The following ZFAT variants were observed in gnomAD, a reference collection of about 807,000 sequenced individuals.
ZFAT encodes the protein zinc finger and AT-hook domain containing.
A neutral mutation model predicts 117.7 loss-of-function variants in ZFAT; 64 were observed. The ratio of observed to expected loss-of-function variants is 0.54; its 90% CI spans 0.44 to 0.67. ZFAT has a LOEUF of 0.67. Among genes scored for constraint, ZFAT ranks in the 30% least tolerant of loss-of-function variants. The pLI is 0.00. For synonymous variants in ZFAT, 679 were observed against 615.0 expected (o/e 1.10, Z -1.54); for missense variants, 1,433 against 1,584.5 (o/e 0.90, Z 1.62).
chr8:134,818,214 G>C, the ZFAT span, among the ~76,000 whole-genome samples: 1 of 152,084 alleles, frequency 6.6e-6, no homozygotes, highest in African/African-American at 2.4e-5. Flanking sequence ...CCATAGACTG[G>C]AAAAATATTT....
At chr8:134,717,360 G>C (rs118136480), upstream of ZFAT, among the ~76,000 whole-genome samples, 4,547 of 148,778 alleles carry the variant, frequency 0.031, 96 homozygotes, top group Middle Eastern at 0.061. Context: ...GTGCACCTGG[G>C]AAGGAGATCA....
At chr8:134,541,015 GC>G (rs2130627813) in intron 11 of ZFAT, among the ~76,000 whole-genome samples, 1 of 152,292 alleles carries the variant, frequency 6.6e-6, no homozygotes, top group Admixed American at 6.5e-5. Flanking sequence ...GTTCTCGTAG[GC>G]CCAGCAGGAC....
intron 1 of ZFAT, among the ~76,000 whole-genome samples, chr8:134,704,557 T>C (rs1275612152): frequency 1.3e-5 from 2 of 152,202 alleles, no homozygotes; most frequent in African/African-American, 2.4e-5. Flanking sequence ...CTCTCCTGCC[T>C]GCACTTTTGT....
intron 4 of ZFAT, among the ~76,000 whole-genome samples, chr8:134,610,192 T>C (rs956185607): frequency 4.6e-5 from 7 of 152,118 alleles, no homozygotes; most frequent in African/African-American, 1.4e-4. Context: ...AACTAACTGC[T>C]CCCGGAACCA....
Position 134,588,291 on chromosome 8 carries a change from T to C in ZFAT, c.2668A>G (p.Met890Val), listed in dbSNP as rs768664817. 14 of 1,577,754 alleles carry C rather than the reference T, an allele frequency of 8.9e-6. No homozygotes were observed. Among genetic ancestry groups the C allele is most frequent in the East Asian group, 2.3e-5 (1 of 43,320 alleles). Residue 890 changes from methionine (M) to valine (V), a missense_variant, in exon 9 of 16, where the codon ATG (methionine) becomes GTG (valine). Physicochemically the swap from Met to Val is conservative, Grantham distance 21 (BLOSUM62 1). Transcript: ENST00000377838. Reference sequence around the variant, plus strand: ...CGCTGAAGGTCTGAGCCATTCTTCATGAAATAAAAGTCACAATATGGGCAT... The same window carrying C: ...CGCTGAAGGTCTGAGCCATTCTTCACGAAATAAAAGTCACAATATGGGCAT... ...MKCPYCDFYF[M>V]KNGSDLQRHI... is the part of the protein sequence containing the mutation.
intron 15 of ZFAT, among the ~76,000 whole-genome samples, chr8:134,507,395 T>TCC (rs1220138387): frequency 2.6e-5 from 4 of 152,110 alleles, no homozygotes; most frequent in Non-Finnish European, 5.9e-5. Context: ...CTGTCATTTA[T>TCC]CAACAGCCAC....
At position 134,615,810 on chromosome 8, in the gene ZFAT, A is replaced by G. The variant is rs1439824320; in HGVS notation, c.449-5155T>C. The stretch of plus-strand genomic sequence containing the variant: ...TGAAAGCTTCAGAAGCTTCAACACT[A>G]AACTTTCCAACCGATTCAGGCACCA... On this transcript the variant is annotated intron_variant, in intron 3 of 15. Transcript: ENST00000377838. Among the ~76,000 whole-genome samples the G allele has an allele frequency of 4.6e-5, 7 of 152,238 alleles. No homozygotes were observed. In the South Asian group the frequency reaches 8.3e-4, roughly 18 times the overall value.
At chr8:134,722,345 C>T in the ZFAT span, among the ~76,000 whole-genome samples, 10 of 152,302 alleles carry the variant, frequency 6.6e-5, no homozygotes, top group South Asian at 2.1e-3. Flanking sequence ...TATAAGAAAA[C>T]CGGGTTTGCC....
chr8:134,783,768 G>C, the ZFAT span: 3 of 152,238 alleles, frequency 2.0e-5, no homozygotes, highest in East Asian at 1.9e-4. Context: ...AGATAGGAAA[G>C]AGTTCAGAAG....
At chr8:134,739,352 G>A in the ZFAT span, among the ~76,000 whole-genome samples, 3 of 152,010 alleles carry the variant, frequency 2.0e-5, no homozygotes, top group Non-Finnish European at 2.9e-5. Flanking sequence ...CTCTTGAACC[G>A]GGATATGGGA....
At chr8:134,741,300 C>T in the ZFAT span, among the ~76,000 whole-genome samples, 4 of 152,038 alleles carry the variant, frequency 2.6e-5, no homozygotes, top group African/African-American at 9.7e-5. Flanking sequence ...CCTCTGGCTT[C>T]TGCTCCAGTA....
At chr8:134,533,058 C>A in intron 11 of ZFAT, 86 bp from the exon 12 acceptor site, 1 of 1,518,034 alleles carries the variant, frequency 6.6e-7, no homozygotes, top group Non-Finnish European at 8.8e-7. Context: ...GCATCTGACA[C>A]CCTGAAAGCC....
the ZFAT span, among the ~76,000 whole-genome samples, chr8:134,782,730 G>T: frequency 6.6e-6 from 1 of 151,998 alleles, no homozygotes; most frequent in Non-Finnish European, 1.5e-5. Context: ...TTTGCCTTCT[G>T]CCATGATTAT....
the ZFAT span, among the ~76,000 whole-genome samples, chr8:134,802,462 T>C: frequency 2.0e-5 from 3 of 152,172 alleles, no homozygotes; most frequent in Non-Finnish European, 2.9e-5. Flanking sequence ...CCATGACTCA[T>C]GTAGAAGGAA....
chr8:134,545,702 T>C (rs955506010), intron 11 of ZFAT, among the ~76,000 whole-genome samples: 1 of 152,212 alleles, frequency 6.6e-6, no homozygotes. Flanking sequence ...ACCAACCTAA[T>C]AATTGTCATT....
chr8:134,532,865 C>T lies in ZFAT; in HGVS notation c.3084G>A (p.Gly1028=). The change falls in exon 12 of 16, where the codon GGG becomes GGA. Residue 1028 remains glycine (G), a synonymous_variant. Coordinates refer to ENST00000377838, the MANE Select transcript of ZFAT (RefSeq NM_020863.4). Reference sequence around the variant, plus strand: ...GGATGAGCACCTCCGCTGCCAGCTCCCCGGTGCCCACGTTGGCATACTCCT... The same window carrying T: ...GGATGAGCACCTCCGCTGCCAGCTCTCCGGTGCCCACGTTGGCATACTCCT... ...PNEEYANVGT[G]ELAAEVLIQQ... 1.9e-6 allele frequency: 3 copies of T among 1,609,962 alleles called. No homozygotes were observed. Among genetic ancestry groups the T allele is most frequent in the East Asian group, 4.5e-5 (2 of 44,786 alleles).
the ZFAT span, among the ~76,000 whole-genome samples, chr8:134,741,883 A>G: frequency 6.6e-6 from 1 of 150,730 alleles, no homozygotes; most frequent in South Asian, 2.1e-4. Flanking sequence ...CCAAGGATAC[A>G]TCTTCACTTC....
chr8:134,480,949 G>A (rs1050196751), intron 15 of ZFAT, among the ~76,000 whole-genome samples: 3 of 152,196 alleles, frequency 2.0e-5, no homozygotes, highest in Admixed American at 6.5e-5. Flanking sequence ...AGGTTCCTCT[G>A]GGGTGAGCTC....
intron 15 of ZFAT, among the ~76,000 whole-genome samples, chr8:134,494,692 G>A (rs1818304377): frequency 6.6e-6 from 1 of 152,128 alleles, no homozygotes; most frequent in Non-Finnish European, 1.5e-5. Context: ...GCCCAAGGTA[G>A]AAAAACCAAA....
Sources: allele counts gnomAD v4.1 joint callset (sites outside exome capture counted in the v4.1 genomes callset), GRCh38; gene constraint gnomAD v4.1.1; transcripts MANE v1.5; gene names NCBI Gene and HGNC (gene_info 2026-07-23, HGNC 2026-07-21).